FRMD6: variants seen among roughly 807,000 people sequenced by gnomAD.
FRMD6 encodes the protein FERM domain-containing protein 6.
A neutral mutation model predicts 73.2 loss-of-function variants in FRMD6; 37 were observed. The ratio of observed to expected loss-of-function variants is 0.51; its 90% CI spans 0.39 to 0.66. The LOEUF (loss-of-function observed/expected upper bound fraction) is 0.66. Ranked by LOEUF, FRMD6 falls within the 30% of genes least tolerant of loss-of-function variation. FRMD6 has a pLI of 0.00. For missense variants in FRMD6, 714 were observed against 780.5 expected (o/e 0.91, Z 1.02); for synonymous variants, 273 against 282.2 (o/e 0.97, Z 0.33).
At chr14:51,538,072 C>T (rs1237342343) in intron 1 of FRMD6, among the ~76,000 whole-genome samples, 6 of 152,104 alleles carry the variant, frequency 3.9e-5, no homozygotes, top group African/African-American at 1.4e-4. Context: ...TCTAAAAAGT[C>T]ATCACTGCAC....
At chr14:51,464,704 G>C in the FRMD6 span, among the ~76,000 whole-genome samples, 1 of 152,234 alleles carries the variant, frequency 6.6e-6, no homozygotes, top group Non-Finnish European at 1.5e-5. Flanking sequence ...GCTCAGTTCT[G>C]GGACTTCCAG....
intron 9 of FRMD6, among the ~76,000 whole-genome samples, chr14:51,713,228 T>G (rs1897045233): frequency 6.6e-6 from 1 of 152,080 alleles, no homozygotes; most frequent in African/African-American, 2.4e-5. Context: ...GAGGCCAAGG[T>G]GAGCAGATCA....
At chr14:51,568,845 C>CT (rs538670816) in intron 1 of FRMD6, among the ~76,000 whole-genome samples, 17,760 of 137,354 alleles carry the variant, frequency 0.13, 1,273 homozygotes, top group Non-Finnish European at 0.16. Flanking sequence ...AAGGCTTTTA[C>CT]TTTTTTTTTT....
intron 1 of FRMD6, among the ~76,000 whole-genome samples, chr14:51,515,049 CCCATCCTAGAAACTT>C (rs1031068033): frequency 2.0e-5 from 3 of 152,188 alleles, no homozygotes; most frequent in African/African-American, 7.2e-5. Context: ...TGTCCCCACC[CCCATCCTAGAAACTT>C]GTTATGCCTC....
chr14:51,714,739 A>G (rs1207420556), intron 9 of FRMD6: 3 of 152,194 alleles, frequency 2.0e-5, no homozygotes, highest in Admixed American at 2.0e-4. Flanking sequence ...TGTTCACTAT[A>G]TAACTCCTTA....
intron 1 of FRMD6, among the ~76,000 whole-genome samples, chr14:51,506,729 T>C (rs1463118542): frequency 6.6e-6 from 1 of 152,216 alleles, no homozygotes; most frequent in Non-Finnish European, 1.5e-5. Context: ...GTGATATTTA[T>C]ATAAAGATAC....
the FRMD6 span, among the ~76,000 whole-genome samples, chr14:51,445,091 A>C: frequency 2.8e-3 from 421 of 152,298 alleles, 2 homozygotes; most frequent in African/African-American, 9.2e-3. Flanking sequence ...CATCCAGTTG[A>C]CCACCAAAAC....
the FRMD6 span, among the ~76,000 whole-genome samples, chr14:51,412,357 A>G: frequency 6.6e-6 from 1 of 152,178 alleles, no homozygotes; most frequent in Non-Finnish European, 1.5e-5. Flanking sequence ...TCATTTTAGA[A>G]GATTTATTTG....
chr14:51,683,566 G>A (rs1389649670), intron 1 of FRMD6, among the ~76,000 whole-genome samples: 1 of 152,054 alleles, frequency 6.6e-6, no homozygotes, highest in Non-Finnish European at 1.5e-5. Flanking sequence ...TGGGATTACA[G>A]ATGTGCGTCA....
chr14:51,547,959 C>T (rs1886572143), intron 1 of FRMD6: 1 of 150,366 alleles, frequency 6.7e-6, no homozygotes. Flanking sequence ...AGTTTATAAA[C>T]AGTATCATAT....
intron 1 of FRMD6, among the ~76,000 whole-genome samples, chr14:51,544,556 C>T (rs1596566523): frequency 6.6e-6 from 1 of 151,866 alleles, no homozygotes; most frequent in South Asian, 2.1e-4. Context: ...TTTTTTTTTA[C>T]TCAATAATAA....
chr14:51,727,869 C>T lies in FRMD6; in HGVS notation c.1709C>T (p.Thr570Ile), dbSNP rs1215768445. The part of the protein sequence containing the change: ...GLCQDTAQSY[T>I]FGCGHELDEE... ...TGTCAGGACACTGCTCAGAGTTACA[C>T]CTTTGGATGTGGCCATGAACTGGAT... Residue 570 changes from threonine to isoleucine, a missense_variant, in exon 14 of 14, where the codon ACC becomes ATC. Thr to Ile is a moderately conservative substitution (Grantham distance 89). Transcript: ENST00000344768. The T allele has an allele frequency of 6.2e-7, 1 of 1,614,202 alleles. No individual in the cohort carries two copies. Among genetic ancestry groups the T allele is most frequent in the Non-Finnish European group, 8.5e-7 (1 of 1,180,030 alleles).
chr14:51,488,009 A>G (rs1882812323), upstream of FRMD6, among the ~76,000 whole-genome samples: 1 of 152,222 alleles, frequency 6.6e-6, no homozygotes, highest in Non-Finnish European at 1.5e-5. Context: ...GGCTGAATGA[A>G]GTGTTCAAAC....
At chr14:51,669,797 T>C (rs985462792) in intron 1 of FRMD6, among the ~76,000 whole-genome samples, 1 of 151,708 alleles carries the variant, frequency 6.6e-6, no homozygotes, top group African/African-American at 2.4e-5. Flanking sequence ...TTTTCTGTTA[T>C]GATGATTTCT....
At chr14:51,547,301 A>G (rs1343339669) in intron 1 of FRMD6, among the ~76,000 whole-genome samples, 2 of 152,238 alleles carry the variant, frequency 1.3e-5, no homozygotes, top group South Asian at 2.1e-4. Flanking sequence ...TAACGAGTGT[A>G]AAGTATCAAG....
intron 1 of FRMD6, among the ~76,000 whole-genome samples, chr14:51,551,821 G>A (rs1402225649): frequency 1.3e-5 from 2 of 151,676 alleles, no homozygotes; most frequent in East Asian, 3.8e-4. Context: ...AATATAAAAT[G>A]CATTAACATC....
chr14:51,493,995 T>G (rs998095515), intron 1 of FRMD6, among the ~76,000 whole-genome samples: 1 of 152,134 alleles, frequency 6.6e-6, no homozygotes, highest in Non-Finnish European at 1.5e-5. Context: ...CTCTAACTGG[T>G]GGAAGGTGCT....
chr14:51,704,730 T>C lies in FRMD6; in HGVS notation c.372-19T>C. 1 of 1,592,860 alleles carries C rather than the reference T, an allele frequency of 6.3e-7. No individual in the cohort carries two copies. The highest frequency in any genetic ancestry group is 8.6e-7 in the Non-Finnish European group (1 of 1,166,522). ...TTATTCCATCAAAATGTGAGTTCTG[T>C]TTTCTTTTATTTTTCTAGTGACAGA... On this transcript the variant is annotated intron_variant, in intron 5 of 13. Coordinates refer to ENST00000344768, the MANE Select transcript of FRMD6 (RefSeq NM_001267046.2).
chr14:51,553,787 G>A (rs941026194), intron 1 of FRMD6, among the ~76,000 whole-genome samples: 1 of 152,188 alleles, frequency 6.6e-6, no homozygotes, highest in African/African-American at 2.4e-5. Flanking sequence ...GAATAGCTAA[G>A]AGAAGACGGT....
Sources: gnomAD v4.1 joint callset for allele counts (sites outside exome capture counted in the v4.1 genomes callset) on GRCh38, gnomAD v4.1.1 for gene constraint, MANE v1.5 for transcripts, NCBI Gene and HGNC (gene_info 2026-07-23, HGNC 2026-07-21) for gene names.